Variants in XXYLT1 observed in about 807,000 individuals in gnomAD.
XXYLT1 encodes the protein xyloside xylosyltransferase 1.
A neutral mutation model predicts 28.9 loss-of-function variants in XXYLT1; 20 were observed. The observed-to-expected ratio is 0.69, with a 90% CI of 0.49 to 1.00. XXYLT1 has a LOEUF of 1.00. Among genes scored for constraint, XXYLT1 ranks in the 50% least tolerant of loss-of-function variants. The probability of loss-of-function intolerance (pLI) is 0.00; values close to 1 mark genes in which losing one functional copy is unlikely to be tolerated. For missense variants in XXYLT1, 542 were observed against 560.1 expected (o/e 0.97, Z 0.33); for synonymous variants, 257 against 253.8 (o/e 1.01, Z -0.12).
Position 195,204,546 on chromosome 3 carries a change from A to G in XXYLT1, c.652+22163T>C, listed in dbSNP as rs1373488129. Among the ~76,000 whole-genome samples the G allele has an allele frequency of 4.6e-5, 7 of 150,798 alleles. No individual in the cohort carries two copies. The East Asian group carries it at 1.4e-3, about 29-fold the overall frequency. On this transcript the variant is annotated intron_variant, in intron 2 of 3. Coordinates refer to ENST00000310380, the MANE Select transcript of XXYLT1 (RefSeq NM_152531.5). ...TTCCAGTCTGAACTGCTGGCCAGCC[A>G]GCCAGCCAGGTCAGGGATGAATGAC...
intron 2 of XXYLT1, among the ~76,000 whole-genome samples, chr3:195,194,856 G>C (rs1293922340): frequency 6.6e-6 from 1 of 152,088 alleles, no homozygotes; most frequent in Admixed American, 6.5e-5. Context: ...TACCAGAAAG[G>C]GCAAATTTAG....
At chr3:195,260,363 G>A (rs904533114) in intron 1 of XXYLT1, among the ~76,000 whole-genome samples, 8 of 152,122 alleles carry the variant, frequency 5.3e-5, no homozygotes, top group African/African-American at 1.9e-4. Flanking sequence ...CCGCAGCCGC[G>A]GAGCCCGCAG....
At chr3:195,264,101 C>G (rs1725770648) in intron 1 of XXYLT1, among the ~76,000 whole-genome samples, 2 of 152,150 alleles carry the variant, frequency 1.3e-5, no homozygotes, top group South Asian at 2.1e-4. Context: ...TGCAGGGAGG[C>G]AAGCAGCTGC....
At chr3:195,121,312 G>C (rs1431719421) in intron 3 of XXYLT1, among the ~76,000 whole-genome samples, 1 of 152,228 alleles carries the variant, frequency 6.6e-6, no homozygotes, top group Non-Finnish European at 1.5e-5. Flanking sequence ...CAAAGGACAA[G>C]ATGGTGATGA....
intron 3 of XXYLT1, among the ~76,000 whole-genome samples, chr3:195,110,707 G>T (rs796490627): frequency 8.6e-6 from 1 of 115,772 alleles, no homozygotes; most frequent in African/African-American, 4.6e-5. Context: ...CATGTGTGTG[G>T]TGTGTGTGGT....
intron 2 of XXYLT1, among the ~76,000 whole-genome samples, chr3:195,224,808 C>T (rs749705782): frequency 2.6e-5 from 4 of 152,202 alleles, no homozygotes; most frequent in Non-Finnish European, 5.9e-5. Flanking sequence ...AGCTCACTGC[C>T]GCAGCCCCTC....
intron 3 of XXYLT1, among the ~76,000 whole-genome samples, chr3:195,137,851 G>A (rs1054121802): frequency 2.0e-5 from 3 of 152,232 alleles, no homozygotes; most frequent in Non-Finnish European, 2.9e-5. Context: ...ACAGGAGGAA[G>A]AGAGGGGTCA....
intron 3 of XXYLT1, among the ~76,000 whole-genome samples, chr3:195,103,600 C>T (rs1716929522): frequency 6.6e-6 from 1 of 152,226 alleles, no homozygotes; most frequent in African/African-American, 2.4e-5. Context: ...CTTTTAAAGG[C>T]CCTTACATTC....
chr3:195,167,228 A>AC (rs1218294902), intron 2 of XXYLT1, among the ~76,000 whole-genome samples: 1 of 152,226 alleles, frequency 6.6e-6, no homozygotes, highest in Non-Finnish European at 1.5e-5. Context: ...CTCTGACAAT[A>AC]TCCCATCTCC....
At chr3:195,224,756 G>T (rs1339346851) in intron 2 of XXYLT1, among the ~76,000 whole-genome samples, 1 of 152,202 alleles carries the variant, frequency 6.6e-6, no homozygotes, top group Non-Finnish European at 1.5e-5. Context: ...CCCTAGCGGG[G>T]ATTCCTGCAA....
chr3:195,206,721 T>A (rs1029317538), intron 2 of XXYLT1, among the ~76,000 whole-genome samples: 1 of 151,784 alleles, frequency 6.6e-6, no homozygotes, highest in Non-Finnish European at 1.5e-5. Flanking sequence ...GTGAAAGATT[T>A]GGCCATTGCA....
intron 1 of XXYLT1, among the ~76,000 whole-genome samples, chr3:195,268,654 T>C (rs913011265): frequency 6.6e-6 from 1 of 151,126 alleles, no homozygotes; most frequent in Non-Finnish European, 1.5e-5. Flanking sequence ...GATAACCCCT[T>C]ATCCAATCAC....
At chr3:195,224,117 C>G (rs541868577) in intron 2 of XXYLT1, among the ~76,000 whole-genome samples, 62 of 152,314 alleles carry the variant, frequency 4.1e-4, no homozygotes, top group African/African-American at 1.3e-3. Flanking sequence ...GATTGCTAAA[C>G]CACTGCACTC....
At position 195,108,684 on chromosome 3, in the gene XXYLT1, T is replaced by C. The variant is rs567130118; in HGVS notation, c.786-38573A>G. On this transcript the variant is annotated intron_variant, in intron 3 of 3. Transcript: ENST00000310380. ...AAACCTGCATGGCATGTTACTATAC[T>C]GAATACTGTAGATGCCTGTAACACA... 6.6e-5 allele frequency among the ~76,000 whole-genome samples: 10 copies of C among 152,354 alleles called. No homozygotes were observed. The South Asian group carries it at 2.1e-3, about 32-fold the overall frequency.
chr3:195,077,696 G>A lies in XXYLT1; in HGVS notation c.786-7585C>T, dbSNP rs943175893. Among the ~76,000 whole-genome samples the A allele has an allele frequency of 7.2e-5, 11 of 152,168 alleles. No individual in the cohort carries two copies. Among genetic ancestry groups the A allele is most frequent in the Admixed American group, 7.2e-4 (11 of 15,288 alleles). ...CTGATGGCAAGGCCTCTGACCTGGTGCAGGGCAGCCCTTCAGCCCCCTGCA... is the reference window on the plus strand; with the variant it reads ...CTGATGGCAAGGCCTCTGACCTGGTACAGGGCAGCCCTTCAGCCCCCTGCA... On this transcript the variant is annotated intron_variant, in intron 3 of 3. Transcript: ENST00000310380. The surrounding 1 kb of genome is among the most constrained non-coding windows in gnomAD (Gnocchi z 4.8).
chr3:195,143,763 A>G (rs1719609896), intron 3 of XXYLT1, among the ~76,000 whole-genome samples: 1 of 142,194 alleles, frequency 7.0e-6, no homozygotes, highest in Non-Finnish European at 1.5e-5. Flanking sequence ...TTCTTTTGAG[A>G]GCTAACCAAA....
At position 195,256,483 on chromosome 3, in the gene XXYLT1, G is replaced by A. The variant is rs925623328; in HGVS notation, c.504+14072C>T. ...CCAGTACCTCCCAGAGGACGGAAGGGAAGTCAGCACGGAAGCCTCACCTAG... is the reference window on the plus strand; with the variant it reads ...CCAGTACCTCCCAGAGGACGGAAGGAAAGTCAGCACGGAAGCCTCACCTAG... On this transcript the variant is annotated intron_variant, in intron 1 of 3. Coordinates refer to ENST00000310380, the MANE Select transcript of XXYLT1 (RefSeq NM_152531.5). This position sits in a 1 kb window ranked among gnomAD's most constrained non-coding sequence, Gnocchi z 4.2. 1 of 985,272 alleles carries A rather than the reference G, an allele frequency of 1.0e-6. No homozygotes were observed. The highest frequency in any genetic ancestry group is 6.1e-5 in the Admixed American group (1 of 16,268). 61.0% of individuals were successfully genotyped at this position (985,272 alleles called of 1,614,324 possible). A position where few individuals can be genotyped will look rare whatever the true frequency, so the allele number is the denominator to read the frequency against.
chr3:195,227,632 A>G (rs566957997), intron 1 of XXYLT1, among the ~76,000 whole-genome samples: 4 of 152,294 alleles, frequency 2.6e-5, no homozygotes, highest in Admixed American at 6.5e-5. Context: ...AGACATCACT[A>G]TTATAGCCTC....
At chr3:195,201,532 T>C (rs1218102243) in intron 2 of XXYLT1, among the ~76,000 whole-genome samples, 1 of 152,242 alleles carries the variant, frequency 6.6e-6, no homozygotes, top group African/African-American at 2.4e-5. Context: ...AGGCTGTTCC[T>C]TGTTGATGAT....
Sources: allele counts gnomAD v4.1 joint callset (sites outside exome capture counted in the v4.1 genomes callset), GRCh38; gene constraint gnomAD v4.1.1; non-coding constraint Gnocchi (gnomAD v3.1); transcripts MANE v1.5; gene names NCBI Gene and HGNC (gene_info 2026-07-23, HGNC 2026-07-21).